RIN2: variants seen among roughly 807,000 people sequenced by gnomAD.
RIN2 encodes the protein RAB5 interacting protein 2.
RIN2 carries 36 observed loss-of-function variants against 78.0 expected under a neutral mutation model. The ratio of observed to expected loss-of-function variants is 0.46; its 90% CI spans 0.35 to 0.61. The LOEUF is 0.61. Among genes scored for constraint, RIN2 ranks in the 20% least tolerant of loss-of-function variants. RIN2 has a pLI of 0.00. For synonymous variants in RIN2, 466 were observed against 466.8 expected, an observed-to-expected ratio of 1.00 and a Z score of 0.02; for missense variants, 1,087 against 1,159.7, an observed-to-expected ratio of 0.94 and a Z score of 0.91.
chr20:19,936,016 C>T (rs2040623830), intron 4 of RIN2, among the ~76,000 whole-genome samples: 1 of 152,202 alleles, frequency 6.6e-6, no homozygotes, highest in African/African-American at 2.4e-5. Context: ...GCCTGCAAGT[C>T]ATGCAACAGG....
intron 4 of RIN2, among the ~76,000 whole-genome samples, chr20:19,947,830 G>A (rs1600903647): frequency 6.6e-6 from 1 of 152,218 alleles, no homozygotes; most frequent in East Asian, 1.9e-4. Flanking sequence ...CCCAGGTCTG[G>A]GGCAGTCCTT....
intron 11 of RIN2, among the ~76,000 whole-genome samples, chr20:19,993,978 C>T (rs532772158): frequency 6.6e-6 from 1 of 152,326 alleles, no homozygotes; most frequent in East Asian, 1.9e-4. Flanking sequence ...TCAGGACAAA[C>T]ATTGCTTGTA....
chr20:19,988,981 ACT>A (rs961914582), intron 9 of RIN2, among the ~76,000 whole-genome samples: 1 of 151,972 alleles, frequency 6.6e-6, no homozygotes, highest in Non-Finnish European at 1.5e-5. Context: ...GTGCACACAC[ACT>A]GTCTCTCATT....
intron 2 of RIN2, among the ~76,000 whole-genome samples, chr20:19,833,684 A>C (rs2036319488): frequency 6.6e-6 from 1 of 152,214 alleles, no homozygotes; most frequent in African/African-American, 2.4e-5. Context: ...TTGGGGCCCC[A>C]CCAGATCTTC....
At position 20,000,953 on chromosome 20, in the gene RIN2, C is replaced by T; in HGVS notation, c.*17C>T. 1 of 1,590,066 alleles carries T rather than the reference C, an allele frequency of 6.3e-7. No homozygotes were observed. Among genetic ancestry groups the T allele is most frequent in the Non-Finnish European group, 8.6e-7 (1 of 1,167,930 alleles). On this transcript the variant is annotated 3_prime_UTR_variant, in exon 13 of 13. Coordinates refer to ENST00000255006, the MANE Select transcript of RIN2 (RefSeq NM_018993.4). ...ACCTCCTAGAAGACAGGCGGGACTTCCCAGTGGTGCATCCAAAGGGGAGCT... is the reference window on the plus strand; with the variant it reads ...ACCTCCTAGAAGACAGGCGGGACTTTCCAGTGGTGCATCCAAAGGGGAGCT...
At chr20:19,828,504 A>G (rs2036159773) in intron 2 of RIN2, among the ~76,000 whole-genome samples, 1 of 152,192 alleles carries the variant, frequency 6.6e-6, no homozygotes, top group Non-Finnish European at 1.5e-5. Context: ...TTTCTGCAGC[A>G]GGAATGAATC....
At chr20:19,806,116 A>G (rs185828934) in intron 2 of RIN2, among the ~76,000 whole-genome samples, 102 of 152,310 alleles carry the variant, frequency 6.7e-4, no homozygotes, top group Admixed American at 1.3e-3. Context: ...TATCCAGTCT[A>G]TCATTGATAG....
chr20:19,918,504 A>T (rs1313385793), intron 3 of RIN2, among the ~76,000 whole-genome samples: 1 of 151,928 alleles, frequency 6.6e-6, no homozygotes, highest in Non-Finnish European at 1.5e-5. Flanking sequence ...CCTTAAACGA[A>T]CTTTGTCATC....
intron 2 of RIN2, among the ~76,000 whole-genome samples, chr20:19,849,811 G>C (rs1224729621): frequency 6.6e-6 from 1 of 152,172 alleles, no homozygotes; most frequent in African/African-American, 2.4e-5. Flanking sequence ...GGGTTTTGTG[G>C]TTTGTATATT....
chr20:19,844,659 T>TC (rs1568807550), intron 2 of RIN2, among the ~76,000 whole-genome samples: 20 of 140,250 alleles, frequency 1.4e-4, no homozygotes, highest in African/African-American at 4.8e-4. Context: ...TTCTTCTTCT[T>TC]CTTCTTCTTC....
intron 3 of RIN2, among the ~76,000 whole-genome samples, chr20:19,890,367 G>C (rs545070591): frequency 2.0e-5 from 3 of 151,850 alleles, no homozygotes; most frequent in Admixed American, 6.6e-5. Context: ...GTGGCTTTTT[G>C]CTTTGTTTCC....
intron 2 of RIN2, among the ~76,000 whole-genome samples, chr20:19,866,916 T>C (rs1568556088): frequency 6.6e-6 from 1 of 152,158 alleles, no homozygotes; most frequent in Non-Finnish European, 1.5e-5. Flanking sequence ...TGAGCCACCA[T>C]ACCTGGCCAG....
chr20:19,785,171 A>C (rs1195888376), intron 1 of RIN2, among the ~76,000 whole-genome samples: 1 of 152,134 alleles, frequency 6.6e-6, no homozygotes, highest in Non-Finnish European at 1.5e-5. Context: ...TAGATGACAA[A>C]AGGAGCAGAA....
chr20:19,913,233 TG>T (rs1406448769), intron 3 of RIN2, among the ~76,000 whole-genome samples: 1 of 152,046 alleles, frequency 6.6e-6, no homozygotes, highest in African/African-American at 2.4e-5. Context: ...CAGATCTTAC[TG>T]TTTTTTTTTT....
Position 19,975,245 on chromosome 20 carries a change from A to G in RIN2, c.1220A>G (p.Asp407Gly), listed in dbSNP as rs1210492978. The stretch of plus-strand genomic sequence containing the variant: ...GCCCCGCCTGAGGCCGCCCCGGGGG[A>G]TTGCACAAGGGCCCCGCCGCCCAGC... ...GGAPPEAAPGDCTRAPPPSSE... is the reference protein window; with the variant it reads ...GGAPPEAAPGGCTRAPPPSSE... Residue 407 changes from aspartate to glycine, a missense_variant, in exon 9 of 13, where the codon GAT (aspartate) becomes GGT (glycine). Asp to Gly is a moderately conservative substitution (Grantham distance 94, BLOSUM62 -1). Coordinates refer to ENST00000255006, the MANE Select transcript of RIN2 (RefSeq NM_018993.4). This position sits in a 1 kb window ranked among gnomAD's most constrained non-coding sequence, Gnocchi z 4.9. 2 of 1,583,380 alleles carry G rather than the reference A, an allele frequency of 1.3e-6. No homozygotes were observed. The highest frequency in any genetic ancestry group is 1.7e-4 in the Middle Eastern group (1 of 6,020).
intron 3 of RIN2, among the ~76,000 whole-genome samples, chr20:19,898,928 GATA>G (rs1264210282): frequency 2.0e-5 from 3 of 152,144 alleles, no homozygotes; most frequent in African/African-American, 7.2e-5. Context: ...GATACAAAAT[GATA>G]ATCAAAACAC....
intron 3 of RIN2, among the ~76,000 whole-genome samples, chr20:19,896,156 A>C (rs1600723169): frequency 1.3e-5 from 2 of 152,114 alleles, no homozygotes; most frequent in African/African-American, 4.8e-5. Flanking sequence ...ACCACATTTT[A>C]GTCAGTAATT....
chr20:19,861,635 T>G (rs1028060380), intron 2 of RIN2, among the ~76,000 whole-genome samples: 1 of 151,062 alleles, frequency 6.6e-6, no homozygotes, highest in African/African-American at 2.4e-5. Flanking sequence ...CCATATCTAA[T>G]GATCACCCTC....
At chr20:19,936,333 C>A (rs2040642660) in intron 4 of RIN2, among the ~76,000 whole-genome samples, 1 of 152,156 alleles carries the variant, frequency 6.6e-6, no homozygotes, top group Non-Finnish European at 1.5e-5. Context: ...ATAAACTAGA[C>A]AAATGCACAA....
Sources: allele counts gnomAD v4.1 joint callset (sites outside exome capture counted in the v4.1 genomes callset), GRCh38; gene constraint gnomAD v4.1.1; non-coding constraint Gnocchi (gnomAD v3.1); transcripts MANE v1.5; gene names NCBI Gene and HGNC (gene_info 2026-07-23, HGNC 2026-07-21).